The following GADL1 variants were observed in gnomAD, a reference collection of about 807,000 sequenced individuals.
GADL1 encodes GAD like acidic amino acid decarboxylase 1, also known as acidic amino acid decarboxylase GADL1.
A neutral mutation model predicts 69.5 loss-of-function variants in GADL1; 71 were observed. The observed-to-expected ratio is 1.02, with a 90% CI of 0.84 to 1.25. The LOEUF (loss-of-function observed/expected upper bound fraction) is 1.25, where lower values mean the gene tolerates loss of function less well. Ranked by LOEUF, GADL1 falls within the 50% of genes most tolerant of loss-of-function variation. GADL1 has a pLI of 0.00. For synonymous variants in GADL1, 254 were observed against 214.4 expected (o/e 1.18, Z -1.62); for missense variants, 737 against 631.8 (o/e 1.17, Z -1.79).
chr3:30,879,513 C>A (rs1222318789), intron 1 of GADL1, among the ~76,000 whole-genome samples: 14 of 151,906 alleles, frequency 9.2e-5, no homozygotes, highest in African/African-American at 3.4e-4. Flanking sequence ...AGGTGATCTC[C>A]TCCAAGAGAA....
chr3:30,735,558 C>T (rs1299806146), intron 14 of GADL1, among the ~76,000 whole-genome samples: 1 of 152,134 alleles, frequency 6.6e-6, no homozygotes, highest in Non-Finnish European at 1.5e-5. Flanking sequence ...TATATGTTTC[C>T]ATTTATGTGG....
chr3:30,761,713 G>A (rs1475831268), intron 14 of GADL1, among the ~76,000 whole-genome samples: 1 of 123,146 alleles, frequency 8.1e-6, no homozygotes, highest in African/African-American at 2.9e-5. Context: ...GTGTGTGAGG[G>A]AAGTAGACAA....
intron 14 of GADL1, among the ~76,000 whole-genome samples, chr3:30,767,455 T>C (rs530179009): frequency 9.2e-5 from 14 of 152,252 alleles, no homozygotes; most frequent in African/African-American, 3.4e-4. Flanking sequence ...AAAACTGAAA[T>C]AGTTTTTAAA....
intron 14 of GADL1, among the ~76,000 whole-genome samples, chr3:30,763,950 T>C (rs1696204875): frequency 6.6e-6 from 1 of 152,012 alleles, no homozygotes; most frequent in Non-Finnish European, 1.5e-5. Context: ...AAGGAAAAAA[T>C]CTTCCCATTG....
intron 1 of GADL1, among the ~76,000 whole-genome samples, chr3:30,883,944 G>T (rs924527206): frequency 6.6e-6 from 1 of 151,934 alleles, no homozygotes; most frequent in Admixed American, 6.6e-5. Context: ...CTTTTTAAGA[G>T]ATTAGCAGTG....
Position 30,846,460 on chromosome 3 carries a change from G to A in GADL1, c.652-1994C>T, listed in dbSNP as rs189168187. 1.3e-3 allele frequency among the ~76,000 whole-genome samples: 194 copies of A among 152,222 alleles called. 2 individuals carry two copies. The highest frequency in any genetic ancestry group is 4.1e-3 in the African/African-American group (172 of 41,534). ...ATGACCTTGAGCTTCTCAATGAACT[G>A]CTGCTTTCTCCTCAATGTACACTGT... On this transcript the variant is annotated intron_variant, in intron 6 of 14. Coordinates refer to ENST00000282538, the MANE Select transcript of GADL1 (RefSeq NM_207359.3).
At chr3:30,778,406 AC>A in intron 13 of GADL1, 138 bp from the exon 14 acceptor site, 1 of 614,006 alleles carries the variant, frequency 1.6e-6, no homozygotes, top group Non-Finnish European at 2.9e-6. Context: ...TTATAGAGTA[AC>A]AATCCCTTCT....
chr3:30,838,118 TCA>T (rs2125525733), intron 9 of GADL1, among the ~76,000 whole-genome samples: 1 of 152,200 alleles, frequency 6.6e-6, no homozygotes, highest in African/African-American at 2.4e-5. Flanking sequence ...GTTCAGCAAG[TCA>T]AAAAATATTT....
chr3:30,774,493 G>A (rs898464123), intron 14 of GADL1, among the ~76,000 whole-genome samples: 4 of 152,070 alleles, frequency 2.6e-5, no homozygotes, highest in African/African-American at 9.7e-5. Context: ...ATACCACACT[G>A]TTGCTGTTTT....
chr3:30,756,893 T>TG (rs1233956021), intron 14 of GADL1, among the ~76,000 whole-genome samples: 1 of 45,252 alleles, frequency 2.2e-5, no homozygotes, highest in Non-Finnish European at 3.8e-5. Flanking sequence ...CACTGGAGTT[T>TG]GGGGGTAGTT....
At chr3:30,867,810 A>G (rs1039751195) in intron 1 of GADL1, among the ~76,000 whole-genome samples, 1 of 152,028 alleles carries the variant, frequency 6.6e-6, no homozygotes, top group African/African-American at 2.4e-5. Flanking sequence ...AAAGTGCTGA[A>G]TAACAGCAAT....
At chr3:30,769,437 A>C (rs1559494363) in intron 14 of GADL1, among the ~76,000 whole-genome samples, 5 of 152,142 alleles carry the variant, frequency 3.3e-5, no homozygotes, top group South Asian at 2.1e-4. Context: ...AGGGAAGCTG[A>C]GGATGATTCC....
intron 11 of GADL1, among the ~76,000 whole-genome samples, chr3:30,815,534 A>G (rs1258574201): frequency 1.2e-4 from 18 of 152,216 alleles, no homozygotes; most frequent in Non-Finnish European, 1.9e-4. Context: ...GACTATATCT[A>G]CAGAATTTCT....
chr3:30,755,853 G>A (rs866796559), intron 14 of GADL1, among the ~76,000 whole-genome samples: 1 of 151,326 alleles, frequency 6.6e-6, no homozygotes, highest in African/African-American at 2.4e-5. Flanking sequence ...GTCATCATTT[G>A]CATACATAAC....
At chr3:30,760,811 G>GC (rs920925253) in intron 14 of GADL1, among the ~76,000 whole-genome samples, 43 of 152,238 alleles carry the variant, frequency 2.8e-4, no homozygotes, top group Admixed American at 2.6e-3. Flanking sequence ...TCAGGTGGGG[G>GC]CAGGGTGATG....
chr3:30,858,718 G>T (rs1460169707), intron 2 of GADL1, among the ~76,000 whole-genome samples: 1 of 151,960 alleles, frequency 6.6e-6, no homozygotes, highest in Non-Finnish European at 1.5e-5. Context: ...TATAGCAGTT[G>T]ATCTGAGGCT....
chr3:30,810,719 C>T (rs569742826), intron 11 of GADL1, among the ~76,000 whole-genome samples: 1 of 152,228 alleles, frequency 6.6e-6, no homozygotes, highest in East Asian at 1.9e-4. Flanking sequence ...CCCCAGTCCT[C>T]TCTTGGCCGC....
chr3:30,792,595 C>T (rs941226543), intron 12 of GADL1, among the ~76,000 whole-genome samples: 8 of 152,116 alleles, frequency 5.3e-5, no homozygotes, highest in East Asian at 1.9e-4. Context: ...CTATACTTGC[C>T]TTAATTCATA....
intron 4 of GADL1, among the ~76,000 whole-genome samples, chr3:30,852,832 A>AT (rs1269865326): frequency 1.3e-5 from 2 of 152,112 alleles, no homozygotes; most frequent in African/African-American, 4.8e-5. Context: ...TTGAACTTAG[A>AT]TGAAGAGTTA....
Sources: gnomAD v4.1 joint callset for allele counts (sites outside exome capture counted in the v4.1 genomes callset) on GRCh38, gnomAD v4.1.1 for gene constraint, MANE v1.5 for transcripts, NCBI Gene and HGNC (gene_info 2026-07-23, HGNC 2026-07-21) for gene names.